The following PDE4D variants were observed in gnomAD, a reference collection of about 807,000 sequenced individuals.
The protein encoded by PDE4D is phosphodiesterase 4D, also known as 3',5'-cyclic-AMP phosphodiesterase 4D.
Under a neutral mutation model 87.4 loss-of-function variants are expected in PDE4D, and 24 were observed. The observed-to-expected ratio is 0.27, with a 90% CI of 0.20 to 0.39. The LOEUF (loss-of-function observed/expected upper bound fraction) is 0.39. PDE4D is among the 10% of genes least tolerant of loss of function. PDE4D has a pLI of 1.00. For synonymous variants in PDE4D, 384 were observed against 383.2 expected, an observed-to-expected ratio of 1.00 and a Z score of -0.02; for missense variants, 714 against 1,041.0, an observed-to-expected ratio of 0.69 and a Z score of 4.32.
intron 1 of PDE4D, among the ~76,000 whole-genome samples, chr5:59,238,269 G>A (rs1318466061): frequency 1.3e-5 from 2 of 152,144 alleles, no homozygotes; most frequent in African/African-American, 4.8e-5. Flanking sequence ...GGCATGGTTA[G>A]CACAATAATG....
intron 1 of PDE4D, among the ~76,000 whole-genome samples, chr5:60,438,075 A>G (rs1487603321): frequency 6.6e-6 from 1 of 152,168 alleles, no homozygotes; most frequent in African/African-American, 2.4e-5. Flanking sequence ...CTATAAATTT[A>G]ACAGATTTTA....
chr5:59,239,898 G>A (rs975405452), intron 1 of PDE4D, among the ~76,000 whole-genome samples: 5 of 152,202 alleles, frequency 3.3e-5, no homozygotes. Flanking sequence ...GTTAATGAAT[G>A]TGAAAGCACC....
chr5:59,962,853 C>T (rs1453814702), intron 3 of PDE4D, among the ~76,000 whole-genome samples: 1 of 152,120 alleles, frequency 6.6e-6, no homozygotes, highest in Non-Finnish European at 1.5e-5. Context: ...CTCCTTTTAA[C>T]TATTCACTTT....
chr5:59,040,891 G>A (rs1254665415), intron 5 of PDE4D, among the ~76,000 whole-genome samples: 1 of 152,178 alleles, frequency 6.6e-6, no homozygotes, highest in African/African-American at 2.4e-5. Context: ...AGGCTCCTGG[G>A]ATTTTTGAGA....
intron 1 of PDE4D, among the ~76,000 whole-genome samples, chr5:60,503,895 G>C (rs562665170): frequency 6.6e-6 from 1 of 152,152 alleles, no homozygotes; most frequent in Non-Finnish European, 1.5e-5. Context: ...TATGAAAGAT[G>C]TGTTTCTTGA....
At chr5:60,192,870 C>T (rs1785306556) in intron 1 of PDE4D, among the ~76,000 whole-genome samples, 2 of 152,280 alleles carry the variant, frequency 1.3e-5, no homozygotes, top group African/African-American at 4.8e-5. Flanking sequence ...ACAAAAGTTA[C>T]TCATCTCTTC....
chr5:60,331,966 AG>A (rs1757339578), intron 1 of PDE4D, among the ~76,000 whole-genome samples: 1 of 152,150 alleles, frequency 6.6e-6, no homozygotes, highest in African/African-American at 2.4e-5. Context: ...AACAAGTCCA[AG>A]GTCTTGAGGT....
chr5:59,200,062 T>TATGTAG (rs373105313), intron 2 of PDE4D, among the ~76,000 whole-genome samples: 15 of 81,998 alleles, frequency 1.8e-4, no homozygotes, highest in Non-Finnish European at 3.5e-4. Flanking sequence ...CACATGCATG[T>TATGTAG]ACACACACGT....
intron 5 of PDE4D, among the ~76,000 whole-genome samples, chr5:59,079,412 TA>T (rs1766277847): frequency 6.6e-6 from 1 of 152,250 alleles, no homozygotes; most frequent in African/African-American, 2.4e-5. Context: ...TTCATTCTAA[TA>T]CATTTCTACA....
intron 2 of PDE4D, among the ~76,000 whole-genome samples, chr5:59,207,199 A>T (rs1040150992): frequency 6.6e-6 from 1 of 152,108 alleles, no homozygotes; most frequent in Non-Finnish European, 1.5e-5. Flanking sequence ...AAGAAAAGAA[A>T]AAAAAATTAA....
chr5:59,379,435 T>C (rs1382968685), intron 1 of PDE4D, among the ~76,000 whole-genome samples: 3 of 152,272 alleles, frequency 2.0e-5, no homozygotes, highest in East Asian at 1.9e-4. Context: ...AAATCATCTA[T>C]ACCGAGAGGC....
At chr5:59,405,223 C>A (rs1791407808) in intron 1 of PDE4D, among the ~76,000 whole-genome samples, 1 of 152,218 alleles carries the variant, frequency 6.6e-6, no homozygotes, top group East Asian at 1.9e-4. Context: ...CATGAAATAT[C>A]TTTCCATTTT....
At chr5:59,226,953 C>T (rs1322061480) in intron 1 of PDE4D, among the ~76,000 whole-genome samples, 2 of 152,092 alleles carry the variant, frequency 1.3e-5, no homozygotes, top group African/African-American at 2.4e-5. Flanking sequence ...TTTATTTCTT[C>T]CCTTACATCC....
intron 1 of PDE4D, among the ~76,000 whole-genome samples, chr5:60,422,572 A>C (rs1277618102): frequency 6.6e-6 from 1 of 152,240 alleles, no homozygotes; most frequent in Non-Finnish European, 1.5e-5. Context: ...AACAACTGGT[A>C]CCAGCCACTG....
At chr5:59,095,425 T>C (rs1471285904) in intron 5 of PDE4D, among the ~76,000 whole-genome samples, 1 of 152,064 alleles carries the variant, frequency 6.6e-6, no homozygotes, top group Non-Finnish European at 1.5e-5. Flanking sequence ...TTTATCATAG[T>C]AATTGATTCC....
chr5:59,586,067 GT>G (rs942499863), intron 1 of PDE4D, among the ~76,000 whole-genome samples: 1 of 152,220 alleles, frequency 6.6e-6, no homozygotes, highest in East Asian at 1.9e-4. Context: ...CATTCTCAAA[GT>G]TTTTTTCTTC....
At chr5:60,472,656 T>C (rs911270546) in intron 1 of PDE4D, among the ~76,000 whole-genome samples, 2 of 152,148 alleles carry the variant, frequency 1.3e-5, no homozygotes, top group African/African-American at 4.8e-5. Flanking sequence ...CTGTCAGTGC[T>C]TCCACTCAAG....
At chr5:59,393,981 T>A (rs1463433328) in intron 1 of PDE4D, among the ~76,000 whole-genome samples, 1 of 152,236 alleles carries the variant, frequency 6.6e-6, no homozygotes, top group African/African-American at 2.4e-5. Flanking sequence ...TTTTTATCTG[T>A]CACTAGAGCC....
upstream of PDE4D, among the ~76,000 whole-genome samples, chr5:59,897,309 T>C (rs556059296): frequency 2.0e-5 from 3 of 152,168 alleles, no homozygotes; most frequent in East Asian, 5.8e-4. Context: ...TTGTCAATAA[T>C]GATGGAGAGT....
Sources: gnomAD v4.1 joint callset for allele counts (sites outside exome capture counted in the v4.1 genomes callset) on GRCh38, gnomAD v4.1.1 for gene constraint, MANE v1.5 for transcripts, NCBI Gene and HGNC (gene_info 2026-07-23, HGNC 2026-07-21) for gene names.